Variants in SIDT1 observed in about 807,000 individuals in gnomAD.
The protein encoded by SIDT1 is SID1 transmembrane family member 1.
A neutral mutation model predicts 107.5 loss-of-function variants in SIDT1; 101 were observed. The ratio of observed to expected loss-of-function variants is 0.94; its 90% CI spans 0.80 to 1.11. The LOEUF is 1.11. Ranked by LOEUF, SIDT1 falls within the 50% of genes least tolerant of loss-of-function variation. SIDT1 has a pLI of 0.00. For missense variants in SIDT1, 1,076 were observed against 1,058.2 expected (o/e 1.02, Z -0.23); for synonymous variants, 395 against 398.2 (o/e 0.99, Z 0.10).
At chr3:113,555,388 T>C (rs1197375492) in intron 1 of SIDT1, among the ~76,000 whole-genome samples, 1 of 152,242 alleles carries the variant, frequency 6.6e-6, no homozygotes, top group Non-Finnish European at 1.5e-5. Flanking sequence ...CTGATTAATG[T>C]ATCTCCTGTG....
downstream of SIDT1, among the ~76,000 whole-genome samples, chr3:113,630,361 C>A (rs1161655211): frequency 6.6e-6 from 1 of 152,102 alleles, no homozygotes; most frequent in South Asian, 2.1e-4. Context: ...CTGAGGGATT[C>A]GCCCGGTTTT....
intron 1 of SIDT1, among the ~76,000 whole-genome samples, chr3:113,545,969 T>C (rs144075839): frequency 3.3e-5 from 5 of 152,246 alleles, no homozygotes; most frequent in African/African-American, 1.2e-4. Context: ...ATTTTAATGC[T>C]GTCTTCTGAA....
intron 3 of SIDT1, among the ~76,000 whole-genome samples, chr3:113,571,512 A>ACACACACACAC (rs1553789387): frequency 2.6e-5 from 4 of 152,094 alleles, no homozygotes; most frequent in Non-Finnish European, 2.9e-5. Context: ...ACACACACAT[A>ACACACACACAC]AACTGTGCCA....
chr3:113,596,858 C>T lies in SIDT1; in HGVS notation c.1045+3810C>T, dbSNP rs751378712. 5.8e-4 allele frequency among the ~76,000 whole-genome samples: 89 copies of T among 152,184 alleles called. 1 individual carries two copies. The highest frequency in any genetic ancestry group is 2.9e-4 in the Non-Finnish European group (20 of 68,036). On this transcript the variant is annotated intron_variant, in intron 10 of 24. Transcript: ENST00000264852. ...TTCTCAAATGCAAGAGCTTGGCAGG[C>T]CTAATCGGTTGTAGATTTAAGAACC...
At chr3:113,549,702 T>C (rs1436578467) in intron 1 of SIDT1, among the ~76,000 whole-genome samples, 2 of 152,206 alleles carry the variant, frequency 1.3e-5, no homozygotes, top group African/African-American at 4.8e-5. Context: ...CCTTGCCTTT[T>C]CATTTTCTTA....
Position 113,575,154 on chromosome 3 carries a change from C to T in SIDT1, c.516-1768C>T, listed in dbSNP as rs560549749. Among the ~76,000 whole-genome samples the T allele has an allele frequency of 3.3e-5, 5 of 152,294 alleles. No individual in the cohort carries two copies. In the East Asian group the frequency reaches 7.7e-4, roughly 23 times the overall value. ...AGAAAGTGAATATCAAATCTTCATA[C>T]ATTTAGTATTATGACTGAAACTCAA... On this transcript the variant is annotated intron_variant, in intron 3 of 24. Transcript: ENST00000264852.
rs753609597 is a variant in SIDT1, at chr3:113,533,135, C to T, written c.114C>T (p.Asp38=). ...GGCAGCCCCCGGCACCGCGCCGCGA[C>T]CCCTTCGACGCTGCCAGGGGCGCCG... ...SPRQPPAPRR[D]PFDAARGADF... The change falls in exon 1 of 25, where the codon GAC becomes GAT. Residue 38 remains aspartate (D), a synonymous_variant. Transcript: ENST00000264852. 2 of 1,571,280 alleles carry T rather than the reference C, an allele frequency of 1.3e-6. No individual in the cohort carries two copies. The highest frequency in any genetic ancestry group is 2.4e-5 in the South Asian group (2 of 84,712).
chr3:113,562,817 C>G (rs1235335705), intron 1 of SIDT1, among the ~76,000 whole-genome samples: 1 of 152,136 alleles, frequency 6.6e-6, no homozygotes, highest in Admixed American at 6.5e-5. Flanking sequence ...TTAAAAACTA[C>G]TGAATTATGC....
At chr3:113,536,077 G>T (rs1399702277) in intron 1 of SIDT1, among the ~76,000 whole-genome samples, 10 of 152,156 alleles carry the variant, frequency 6.6e-5, no homozygotes, top group Non-Finnish European at 2.9e-5. Context: ...AGAAACCTAG[G>T]CCATACTGTT....
Position 113,567,520 on chromosome 3 carries a change from C to T in SIDT1, c.345-20C>T. ...TTTCTTGTCCTTGTTTATTTTTTTCCCCTATATTGGCTGCTTCAGATACCA... is the reference window on the plus strand; with the variant it reads ...TTTCTTGTCCTTGTTTATTTTTTTCTCCTATATTGGCTGCTTCAGATACCA... On this transcript the variant is annotated intron_variant, in intron 2 of 24. Transcript: ENST00000264852. 3 of 1,578,738 alleles carry T rather than the reference C, an allele frequency of 1.9e-6. No homozygotes were observed. Among genetic ancestry groups the T allele is most frequent in the Admixed American group, 1.8e-5 (1 of 55,014 alleles).
chr3:113,635,236 C>T, the SIDT1 span, among the ~76,000 whole-genome samples: 1 of 152,146 alleles, frequency 6.6e-6, no homozygotes, highest in African/African-American at 2.4e-5. Flanking sequence ...TGGCTCATGC[C>T]TATAATTCCA....
intron 3 of SIDT1, among the ~76,000 whole-genome samples, chr3:113,573,145 T>G (rs536738434): frequency 1.3e-5 from 2 of 152,270 alleles, no homozygotes; most frequent in African/African-American, 2.4e-5. Flanking sequence ...CCAACATGAC[T>G]CCTACAGTGA....
At chr3:113,548,876 A>G (rs1468621601) in intron 1 of SIDT1, among the ~76,000 whole-genome samples, 1 of 152,110 alleles carries the variant, frequency 6.6e-6, no homozygotes, top group Non-Finnish European at 1.5e-5. Context: ...TTTCCTCATG[A>G]GGATGTCCGT....
intron 1 of SIDT1, among the ~76,000 whole-genome samples, chr3:113,535,048 G>T (rs563440884): frequency 6.6e-6 from 1 of 152,294 alleles, no homozygotes; most frequent in African/African-American, 2.4e-5. Context: ...AAAGTGGGAG[G>T]ATTGCTTGAG....
At chr3:113,573,008 T>C (rs78066273) in intron 3 of SIDT1, among the ~76,000 whole-genome samples, 6,963 of 152,126 alleles carry the variant, frequency 0.046, 194 homozygotes, top group East Asian at 0.13. Flanking sequence ...TTTTTTTTTT[T>C]TCTCTCTTAA....
intron 6 of SIDT1, among the ~76,000 whole-genome samples, chr3:113,582,471 ATTTC>A (rs763628495): frequency 6.6e-6 from 1 of 152,186 alleles, no homozygotes; most frequent in Non-Finnish European, 1.5e-5. Flanking sequence ...GTTTTTCAGT[ATTTC>A]TTTCTTTCTT....
chr3:113,601,695 C>T, intron 11 of SIDT1, 36 bp downstream of exon 11: 1 of 1,482,422 alleles, frequency 6.7e-7, no homozygotes, highest in African/African-American at 1.4e-5. Flanking sequence ...AAAGTGTTTC[C>T]TAATTCTGCA....
intron 3 of SIDT1, among the ~76,000 whole-genome samples, chr3:113,568,602 AAAAGAAAAGAAAAG>A (rs1401549040): frequency 1.7e-5 from 1 of 59,890 alleles, no homozygotes; most frequent in African/African-American, 5.6e-5. Flanking sequence ...TCAAAAAAAA[AAAAGAAAAGAAAAG>A]AAAAGAAAAG....
intron 24 of SIDT1, among the ~76,000 whole-genome samples, chr3:113,627,435 A>G (rs747377352): frequency 6.6e-6 from 1 of 152,248 alleles, no homozygotes; most frequent in Non-Finnish European, 1.5e-5. Flanking sequence ...GGAATAGCAC[A>G]TCATAAACCT....
Sources: allele counts gnomAD v4.1 joint callset (sites outside exome capture counted in the v4.1 genomes callset), GRCh38; gene constraint gnomAD v4.1.1; transcripts MANE v1.5; gene names NCBI Gene and HGNC (gene_info 2026-07-23, HGNC 2026-07-21).